The following TPST2 variants were observed in gnomAD, a reference collection of about 807,000 sequenced individuals.
The protein encoded by TPST2 is protein-tyrosine sulfotransferase 2.
Under a neutral mutation model 27.8 loss-of-function variants are expected in TPST2, and 16 were observed. The ratio of observed to expected loss-of-function variants is 0.58; its 90% confidence interval spans 0.39 to 0.88. The LOEUF (loss-of-function observed/expected upper bound fraction) is 0.88. Among genes scored for constraint, TPST2 ranks in the 40% least tolerant of loss-of-function variants. The pLI is 0.00. For missense variants in TPST2, 464 were observed against 543.1 expected (o/e 0.85, Z 1.45); for synonymous variants, 229 against 231.7 (o/e 0.99, Z 0.10).
At chr22:26,531,483 CA>C (rs1925160017) in intron 5 of TPST2, among the ~76,000 whole-genome samples, 1 of 152,188 alleles carries the variant, frequency 6.6e-6, no homozygotes, top group Admixed American at 6.5e-5. Context: ...TGCAAAAGTG[CA>C]TACGCACTCC....
At chr22:26,530,990 C>T (rs546966922) in intron 5 of TPST2, among the ~76,000 whole-genome samples, 3 of 152,124 alleles carry the variant, frequency 2.0e-5, no homozygotes, top group African/African-American at 7.2e-5. Context: ...GCCTGGGCAA[C>T]AAGAGGAAAA....
intron 1 of TPST2, among the ~76,000 whole-genome samples, chr22:26,558,809 T>C (rs1296658471): frequency 6.6e-6 from 1 of 152,150 alleles, no homozygotes; most frequent in East Asian, 1.9e-4. Flanking sequence ...AGATCAATAA[T>C]GTTTCAATGC....
chr22:26,567,053 G>GC (rs922097371), intron 1 of TPST2, among the ~76,000 whole-genome samples: 6 of 152,130 alleles, frequency 3.9e-5, no homozygotes, highest in Non-Finnish European at 1.5e-5. Context: ...ATTGCTGACT[G>GC]CCCCCTGGGG....
intron 1 of TPST2, among the ~76,000 whole-genome samples, chr22:26,587,232 C>G (rs1376044487): frequency 1.3e-5 from 2 of 152,138 alleles, no homozygotes; most frequent in African/African-American, 2.4e-5. Flanking sequence ...CAGGCTGGCC[C>G]GGGATGGGAA....
intron 1 of TPST2, among the ~76,000 whole-genome samples, chr22:26,556,218 G>C (rs934132287): frequency 1.3e-5 from 2 of 152,148 alleles, no homozygotes; most frequent in African/African-American, 4.8e-5. Flanking sequence ...TCTGCAAGCA[G>C]ACACATCTGT....
chr22:26,567,643 GA>G (rs972299648), intron 1 of TPST2, among the ~76,000 whole-genome samples: 3 of 152,036 alleles, frequency 2.0e-5, no homozygotes, highest in African/African-American at 7.2e-5. Flanking sequence ...AGTCATGCAT[GA>G]AAAAAGATAT....
intron 1 of TPST2, among the ~76,000 whole-genome samples, chr22:26,585,580 C>T (rs1205526610): frequency 6.6e-6 from 1 of 152,144 alleles, no homozygotes; most frequent in African/African-American, 2.4e-5. Flanking sequence ...GGCAGCAAGT[C>T]GGGGAGCAGG....
intron 3 of TPST2, 149 bp from the exon 4 acceptor site, chr22:26,536,635 G>T: frequency 1.5e-6 from 1 of 679,226 alleles, no homozygotes; most frequent in Non-Finnish European, 2.3e-6. Flanking sequence ...GATGGCAGGT[G>T]AGTCATTTTT....
chr22:26,528,050 C>T (rs556756792), intron 6 of TPST2, among the ~76,000 whole-genome samples, 164 bp downstream of exon 6: 97 of 152,338 alleles, frequency 6.4e-4, no homozygotes, highest in Admixed American at 1.3e-3. Context: ...ATAGCACCCC[C>T]AGTCTGTCAC....
chr22:26,588,336 G>A (rs1284986222), intron 1 of TPST2, among the ~76,000 whole-genome samples: 1 of 152,172 alleles, frequency 6.6e-6, no homozygotes, highest in Non-Finnish European at 1.5e-5. Flanking sequence ...TCCAGCACAG[G>A]CAAATTCATA....
intron 1 of TPST2, among the ~76,000 whole-genome samples, chr22:26,556,663 A>G (rs1926812493): frequency 6.6e-6 from 1 of 152,168 alleles, no homozygotes; most frequent in South Asian, 2.1e-4. Flanking sequence ...TTTTCCCCTC[A>G]TCCAAATTCC....
intron 1 of TPST2, among the ~76,000 whole-genome samples, chr22:26,562,930 A>C (rs531619637): frequency 6.6e-6 from 1 of 152,064 alleles, no homozygotes; most frequent in Non-Finnish European, 1.5e-5. Flanking sequence ...AACCATCGGT[A>C]ATGTCCAGAG....
At chr22:26,546,752 A>C (rs1926147408) in intron 1 of TPST2, among the ~76,000 whole-genome samples, 2 of 152,260 alleles carry the variant, frequency 1.3e-5, no homozygotes, top group Non-Finnish European at 2.9e-5. Flanking sequence ...ACCAGTGGCT[A>C]CTGTACTGGA....
chr22:26,541,111 G>T lies in TPST2; in HGVS notation c.520C>A (p.Pro174Thr), dbSNP rs1925783186. The T allele has an allele frequency of 1.2e-6, 2 of 1,607,734 alleles. No homozygotes were observed. Among genetic ancestry groups the T allele is most frequent in the Middle Eastern group, 1.7e-4 (1 of 6,050 alleles). ...ACCATCAGCAGGAACTTGGAGTTGGGGAACAGGCGCGACAGGTAGACCGAG... is the reference window on the plus strand; with the variant it reads ...ACCATCAGCAGGAACTTGGAGTTGGTGAACAGGCGCGACAGGTAGACCGAG... ...KSSVYLSRLF[P>T]NSKFLLMVRD... Residue 174 changes from proline (P) to threonine (T), a missense_variant, in exon 3 of 7, where the codon CCC becomes ACC. Coordinates refer to ENST00000338754, the MANE Select transcript of TPST2 (RefSeq NM_003595.5). This position sits in a 1 kb window ranked among gnomAD's most constrained non-coding sequence, Gnocchi z 5.9.
intron 1 of TPST2, among the ~76,000 whole-genome samples, chr22:26,570,330 C>T (rs1054357114): frequency 1.3e-5 from 2 of 152,168 alleles, no homozygotes; most frequent in Non-Finnish European, 2.9e-5. Flanking sequence ...TCTGATCATG[C>T]CACCCACACC....
Position 26,523,336 on chromosome 22 carries a change from G to T in TPST2, c.*2939C>A, listed in dbSNP as rs1288821561. On this transcript the variant is annotated 3_prime_UTR_variant, in exon 7 of 7. Coordinates refer to ENST00000338754, the MANE Select transcript of TPST2 (RefSeq NM_003595.5). ...AAGTCTGGAAGACTATGTACAAACAGAAAATGGTAGCATTACCTTTAGGAG... is the reference window on the plus strand; with the variant it reads ...AAGTCTGGAAGACTATGTACAAACATAAAATGGTAGCATTACCTTTAGGAG... 6.6e-6 allele frequency: 1 copy of T among 152,172 alleles called. No individual in the cohort carries two copies. The highest frequency in any genetic ancestry group is 1.5e-5 in the Non-Finnish European group (1 of 68,026). 9.4% of individuals were successfully genotyped at this position (152,172 alleles called of 1,614,324 possible).
At chr22:26,556,572 G>C (rs967742438) in intron 1 of TPST2, among the ~76,000 whole-genome samples, 1 of 152,114 alleles carries the variant, frequency 6.6e-6, no homozygotes, top group Non-Finnish European at 1.5e-5. Flanking sequence ...CTGGTGATGC[G>C]AGTGCTGCCA....
chr22:26,543,870 A>G (rs575797355), intron 2 of TPST2, among the ~76,000 whole-genome samples: 1 of 152,328 alleles, frequency 6.6e-6, no homozygotes, highest in South Asian at 2.1e-4. Flanking sequence ...CACAGAAAGC[A>G]GCCTGGAACC....
In TPST2 at chr22:26,555,704, G is replaced by A. The variant is rs1350665420; in HGVS notation, c.-160-11029C>T. Among the ~76,000 whole-genome samples, 5 of 152,202 alleles carry A rather than the reference G, an allele frequency of 3.3e-5. No homozygotes were observed. In the East Asian group the frequency reaches 9.6e-4, roughly 29 times the overall value. On this transcript the variant is annotated intron_variant, in intron 1 of 6. Coordinates refer to ENST00000338754, the MANE Select transcript of TPST2 (RefSeq NM_003595.5). ...GACTGGGGTGTGCAGGAGGCGGTGG[G>A]AACACGTTCAGGGCACGCTGGAGCA...
Sources: gnomAD v4.1 joint callset for allele counts (sites outside exome capture counted in the v4.1 genomes callset) on GRCh38, gnomAD v4.1.1 for gene constraint, Gnocchi (gnomAD v3.1) non-coding constraint, MANE v1.5 for transcripts, NCBI Gene and HGNC (gene_info 2026-07-23, HGNC 2026-07-21) for gene names.